SEZ6L2: variants seen among roughly 807,000 people sequenced by gnomAD.
SEZ6L2 encodes seizure related 6 homolog like 2, also known as seizure 6-like protein 2.
SEZ6L2 carries 44 observed loss-of-function variants against 97.0 expected under a neutral mutation model. That is an observed-to-expected ratio of 0.45 (90% CI 0.36 to 0.58). The LOEUF (loss-of-function observed/expected upper bound fraction) is 0.58, where lower values mean the gene tolerates loss of function less well. Ranked by LOEUF, SEZ6L2 falls within the 20% of genes least tolerant of loss-of-function variation. The pLI is 0.00. For synonymous variants in SEZ6L2, 543 were observed against 546.1 expected, an observed-to-expected ratio of 0.99 and a Z score of 0.08; for missense variants, 1,086 against 1,233.3, an observed-to-expected ratio of 0.88 and a Z score of 1.79.
intron 5 of SEZ6L2, among the ~76,000 whole-genome samples, chr16:29,894,769 T>G (rs2068343541): frequency 6.6e-6 from 1 of 152,034 alleles, no homozygotes; most frequent in Non-Finnish European, 1.5e-5. Flanking sequence ...TGTGCACAGA[T>G]CTGTGAGTGT....
chr16:29,899,099 T>G lies in SEZ6L2; in HGVS notation c.-80A>C. 1.1e-6 allele frequency: 1 copy of G among 895,564 alleles called. No individual in the cohort carries two copies. The highest frequency in any genetic ancestry group is 1.7e-6 in the Non-Finnish European group (1 of 591,250). The allele number at this position is 895,564 out of a possible 1,614,324, so 55.5% of individuals were successfully genotyped here. A position where few individuals can be genotyped will look rare whatever the true frequency, so the allele number is the denominator to read the frequency against. ...CCTTTCCTCCGTCTCCGTTTATCTT[T>G]CCCTTTAATTGTTTTTTTTTTTTTT... On this transcript the variant is annotated 5_prime_UTR_variant, in exon 1 of 18. Transcript: ENST00000617533.
At chr16:29,874,574 T>TGG (rs2067863871) in intron 12 of SEZ6L2, among the ~76,000 whole-genome samples, 1 of 111,282 alleles carries the variant, frequency 9.0e-6, no homozygotes, top group African/African-American at 3.5e-5. Flanking sequence ...TTTTTTTTTT[T>TGG]TTTTTTTTTT....
At position 29,879,877 on chromosome 16, in the gene SEZ6L2, C is replaced by T. The variant is rs957624894; in HGVS notation, c.1560G>A (p.Glu520=). The T allele has an allele frequency of 4.4e-6, 7 of 1,607,072 alleles. No homozygotes were observed. In the East Asian group the frequency reaches 1.1e-4, roughly 26 times the overall value. The change falls in exon 9 of 18, where the codon GAG becomes GAA. Residue 520 remains glutamate, a synonymous_variant. Coordinates refer to ENST00000617533, the MANE Select transcript of SEZ6L2 (RefSeq NM_001243332.2). The part of the protein sequence containing the change: ...DPTEPHWNDT[E]PACKAMCGGE... ...AGGAAGGCTCACCTTTGCAGGCCGG[C>T]TCTGTGTCGTTCCAGTGGGGTTCTG...
chr16:29,875,290 T>A (rs1363982764), intron 12 of SEZ6L2, among the ~76,000 whole-genome samples: 2 of 151,954 alleles, frequency 1.3e-5, no homozygotes, highest in Non-Finnish European at 2.9e-5. Flanking sequence ...AGCCAGGGAG[T>A]GGCAGAGCCG....
intron 10 of SEZ6L2, 64 bp downstream of exon 10, chr16:29,878,223 G>A: frequency 1.3e-6 from 2 of 1,489,458 alleles, no homozygotes; most frequent in Non-Finnish European, 1.8e-6. Flanking sequence ...GCAGGCTACT[G>A]CATTGGCATA....
At position 29,899,030 on chromosome 16, in the gene SEZ6L2, C is replaced by T. The variant is rs1481457081; in HGVS notation, c.-11G>A. Reference sequence around the variant, plus strand: ...CCTGGGAGTCCCCATGGCGACTCACCCCGATCTCTCTCCTCTGTGCCTCTC... The same window carrying T: ...CCTGGGAGTCCCCATGGCGACTCACTCCGATCTCTCTCCTCTGTGCCTCTC... On this transcript the variant is annotated 5_prime_UTR_variant, in exon 1 of 18. Coordinates refer to ENST00000617533, the MANE Select transcript of SEZ6L2 (RefSeq NM_001243332.2). 6.2e-7 allele frequency: 1 copy of T among 1,602,180 alleles called. No homozygotes were observed. Among genetic ancestry groups the T allele is most frequent in the African/African-American group, 1.3e-5 (1 of 74,770 alleles).
rs1037306145 is a variant in SEZ6L2, at chr16:29,873,340, G to A, written c.2388C>T (p.Arg796=). ...KHHYQAGESL[R]FFCYEGFELI... is the part of the protein sequence containing the mutation. Reference sequence around the variant, plus strand: ...GCTCAAAGCCCTCATAGCAGAAGAAGCGCAGAGACTCGCCCGCCTGGTAGT... The same window carrying A: ...GCTCAAAGCCCTCATAGCAGAAGAAACGCAGAGACTCGCCCGCCTGGTAGT... The change falls in exon 14 of 18, where the codon CGC becomes CGT. Residue 796 remains arginine (R), a synonymous_variant. Transcript: ENST00000617533. This position sits in a 1 kb window ranked among gnomAD's most constrained non-coding sequence, Gnocchi z 4.3. 3.1e-6 allele frequency: 5 copies of A among 1,614,150 alleles called. No homozygotes were observed. In the African/African-American group the frequency reaches 5.3e-5, roughly 17 times the overall value.
chr16:29,885,982 C>G (rs57662260), intron 7 of SEZ6L2: 5,657 of 397,386 alleles, frequency 0.014, 295 homozygotes, highest in African/African-American at 0.1. Context: ...ATAGAAAGAT[C>G]AAGTAACCTG....
At chr16:29,874,313 G>A (rs2067852000) in intron 12 of SEZ6L2, among the ~76,000 whole-genome samples, 1 of 152,030 alleles carries the variant, frequency 6.6e-6, no homozygotes, top group African/African-American at 2.4e-5. Context: ...AGCCCAACAT[G>A]GCTTGTAGTC....
At chr16:29,877,517 C>T (rs549016945) in intron 10 of SEZ6L2, 50 bp from the exon 11 acceptor site, 2 of 1,493,412 alleles carry the variant, frequency 1.3e-6, no homozygotes, top group African/African-American at 1.4e-5. Context: ...CTGGCCCCTC[C>T]CATCCAGCTC....
In SEZ6L2 at chr16:29,872,727, G is replaced by T. The variant is rs1461483048; in HGVS notation, c.2505C>A (p.Leu835=). 6.2e-7 allele frequency: 1 copy of T among 1,613,004 alleles called. No homozygotes were observed. ...PPLCKVAYEE[L]LDNRKLEVTQ... ...GACCTTCCAGTTTTCGGTTGTCCAGGAGCTCCTCATAGGCAACTGCAGGGA... is the reference window on the plus strand; with the variant it reads ...GACCTTCCAGTTTTCGGTTGTCCAGTAGCTCCTCATAGGCAACTGCAGGGA... The change falls in exon 15 of 18, where the codon CTC becomes CTA. Residue 835 remains leucine (L), a synonymous_variant. Coordinates refer to ENST00000617533, the MANE Select transcript of SEZ6L2 (RefSeq NM_001243332.2).
chr16:29,895,651 A>C, intron 4 of SEZ6L2, 70 bp downstream of exon 4: 1 of 1,537,440 alleles, frequency 6.5e-7, no homozygotes, highest in Non-Finnish European at 8.8e-7. Flanking sequence ...CCCAGGCCAA[A>C]CCCGTGCACA....
At chr16:29,881,760 T>A (rs2068035373) in intron 8 of SEZ6L2, among the ~76,000 whole-genome samples, 1 of 150,244 alleles carries the variant, frequency 6.7e-6, no homozygotes, top group African/African-American at 2.4e-5. Context: ...CCCGAGTAGC[T>A]GGGATTACAG....
chr16:29,877,538 T>A, intron 10 of SEZ6L2, 71 bp from the exon 11 acceptor site: 1 of 1,356,908 alleles, frequency 7.4e-7, no homozygotes, highest in Non-Finnish European at 1.0e-6. Flanking sequence ...TGCCCCATCC[T>A]CAACTCTGCT....
chr16:29,874,130 A>G (rs1190002712), intron 12 of SEZ6L2, among the ~76,000 whole-genome samples: 2 of 152,166 alleles, frequency 1.3e-5, no homozygotes, highest in Admixed American at 6.5e-5. Context: ...CAGTGCATCT[A>G]TTTTCAGGCC....
chr16:29,895,259 C>T lies in SEZ6L2; in HGVS notation c.853G>A (p.Ala285Thr). The T allele has an allele frequency of 1.9e-6, 3 of 1,613,922 alleles. No homozygotes were observed. The highest frequency in any genetic ancestry group is 2.5e-6 in the Non-Finnish European group (3 of 1,179,894). The change falls in exon 5 of 18, where the codon GCC (alanine) becomes ACC (threonine). Residue 285 changes from alanine to threonine, a missense_variant and splice_region_variant. Ala to Thr is a moderately conservative substitution (Grantham distance 58). Coordinates refer to ENST00000617533, the MANE Select transcript of SEZ6L2 (RefSeq NM_001243332.2). ...CCAGCAGCACCCTCAAACTCCTCAC[C>T]CTGATAGTGGATCCTGAAGCCACCG... is the stretch of plus-strand genomic sequence containing the variant. Reference protein sequence around the residue: ...RGGGFRIHYQAYLLSCGFPPR... With the variant: ...RGGGFRIHYQTYLLSCGFPPR...
In SEZ6L2 at chr16:29,887,607, C is replaced by T. The variant is rs192491983; in HGVS notation, c.1208+42G>A. The T allele has an allele frequency of 2.7e-4, 407 of 1,514,058 alleles. No homozygotes were observed. The Admixed American group carries it at 4.0e-3, about 15-fold the overall frequency. 93.8% of individuals were successfully genotyped at this position (1,514,058 alleles called of 1,614,324 possible). A position where few individuals can be genotyped will look rare whatever the true frequency, so the allele number is the denominator to read the frequency against. ...GATTACAGGCATGAGCCACCATGCC[C>T]GGCCAAGGTGGGGACTTCTGACCCA... On this transcript the variant is annotated intron_variant, in intron 7 of 17. Coordinates refer to ENST00000617533, the MANE Select transcript of SEZ6L2 (RefSeq NM_001243332.2).
intron 5 of SEZ6L2, 106 bp from the exon 6 acceptor site, chr16:29,888,831 G>A (rs1298276429): frequency 2.1e-6 from 2 of 957,436 alleles, no homozygotes; most frequent in East Asian, 2.7e-5. Context: ...CCTTCCAGGG[G>A]CACACACTGG....
chr16:29,878,398 G>A lies in SEZ6L2; in HGVS notation c.1601C>T (p.Pro534Leu), dbSNP rs1221851504. 4 of 1,605,702 alleles carry A rather than the reference G, an allele frequency of 2.5e-6. No individual in the cohort carries two copies. Among genetic ancestry groups the A allele is most frequent in the East Asian group, 2.2e-5 (1 of 44,656 alleles). The change falls in exon 10 of 18, where the codon CCA (proline) becomes CTA (leucine). Residue 534 changes from proline (P) to leucine (L), a missense_variant. Around this residue, in one of 2 missense-constraint regions of SEZ6L2, gnomAD observed 776 missense variants for 794.7 expected, o/e 0.98. Coordinates refer to ENST00000617533, the MANE Select transcript of SEZ6L2 (RefSeq NM_001243332.2). Reference sequence around the variant, plus strand: ...GTCGGGAGAGAGGACCACGCCAGCTGGTTCCGACAGCTCCCCTCCACACAT... The same window carrying A: ...GTCGGGAGAGAGGACCACGCCAGCTAGTTCCGACAGCTCCCCTCCACACAT... ...KAMCGGELSEPAGVVLSPDWP... is the reference protein window; with the variant it reads ...KAMCGGELSELAGVVLSPDWP...
Sources: allele counts gnomAD v4.1 joint callset (sites outside exome capture counted in the v4.1 genomes callset), GRCh38; gene constraint gnomAD v4.1.1; regional missense constraint gnomAD v4.1.1; non-coding constraint Gnocchi (gnomAD v3.1); transcripts MANE v1.5; gene names NCBI Gene and HGNC (gene_info 2026-07-23, HGNC 2026-07-21).